The following B3GLCT variants were observed in gnomAD, a reference collection of about 807,000 sequenced individuals.
The protein encoded by B3GLCT is beta-1,3-glucosyltransferase.
In B3GLCT, 65 loss-of-function variants were observed where a neutral mutation model predicts 63.4. That is an observed-to-expected ratio of 1.03 (90% CI 0.84 to 1.26). B3GLCT has a LOEUF of 1.26. Among genes scored for constraint, B3GLCT ranks in the 50% most tolerant of loss-of-function variants. B3GLCT has a pLI of 0.00. For synonymous variants in B3GLCT, 233 were observed against 219.2 expected (o/e 1.06, Z -0.55); for missense variants, 577 against 604.8 (o/e 0.95, Z 0.48).
chr13:31,247,193 C>T, intron 5 of B3GLCT, 94 bp downstream of exon 5: 2 of 1,007,138 alleles, frequency 2.0e-6, no homozygotes, highest in East Asian at 2.5e-5. Context: ...TGGTTTTCCT[C>T]AGTCAGTAAG....
intron 4 of B3GLCT, among the ~76,000 whole-genome samples, chr13:31,244,109 G>A (rs1014075847): frequency 6.6e-6 from 1 of 152,088 alleles, no homozygotes; most frequent in African/African-American, 2.4e-5. Flanking sequence ...GACAGCTCTT[G>A]GTAATGTTGA....
At chr13:31,236,049 C>T (rs1228668499) in intron 4 of B3GLCT, among the ~76,000 whole-genome samples, 2 of 152,224 alleles carry the variant, frequency 1.3e-5, no homozygotes, top group Non-Finnish European at 2.9e-5. Context: ...TCCTTGGATG[C>T]TCATTTGGCA....
chr13:31,223,814 A>G (rs1040314999), intron 3 of B3GLCT, among the ~76,000 whole-genome samples: 4 of 152,098 alleles, frequency 2.6e-5, no homozygotes, highest in East Asian at 1.9e-4. Flanking sequence ...CAGGAAGCCT[A>G]TGGTGTCAGG....
intron 12 of B3GLCT, chr13:31,312,915 A>T (rs1874796141): frequency 1.3e-5 from 2 of 152,246 alleles, no homozygotes; most frequent in Admixed American, 1.3e-4. Flanking sequence ...GCAGTCCTAG[A>T]GTCACTTTGT....
At chr13:31,213,973 T>C (rs1869426018) in intron 1 of B3GLCT, among the ~76,000 whole-genome samples, 1 of 152,180 alleles carries the variant, frequency 6.6e-6, no homozygotes, top group South Asian at 2.1e-4. Context: ...TGAAGATGTT[T>C]TAGATTTCTT....
At chr13:31,289,731 C>A (rs925776458) in intron 12 of B3GLCT, among the ~76,000 whole-genome samples, 1 of 152,100 alleles carries the variant, frequency 6.6e-6, no homozygotes, top group Non-Finnish European at 1.5e-5. Context: ...TTTGTCACCA[C>A]TAGGTAGGGA....
intron 4 of B3GLCT, among the ~76,000 whole-genome samples, chr13:31,236,151 C>A (rs1252143645): frequency 6.6e-6 from 1 of 152,196 alleles, no homozygotes; most frequent in Admixed American, 6.5e-5. Flanking sequence ...GTTCCCTATT[C>A]CTTTTTGCAT....
chr13:31,244,675 C>T lies in B3GLCT; in HGVS notation c.271-2348C>T, dbSNP rs188855440. Among the ~76,000 whole-genome samples, 12 of 151,966 alleles carry T rather than the reference C, an allele frequency of 7.9e-5. No individual in the cohort carries two copies. In the East Asian group the frequency reaches 2.3e-3, roughly 29 times the overall value. On this transcript the variant is annotated intron_variant, in intron 4 of 14. Transcript: ENST00000343307. ...TTTATTGCACCCTTTTTGATAATTA[C>T]CTTTAAGGTGCTACTACATCTAAGT... is the stretch of plus-strand genomic sequence containing the variant.
Position 31,323,121 on chromosome 13 carries a change from G to C in B3GLCT, c.1185-630G>C, listed in dbSNP as rs541211968. Among the ~76,000 whole-genome samples the C allele has an allele frequency of 2.0e-5, 3 of 152,352 alleles. No individual in the cohort carries two copies. The South Asian group carries it at 6.2e-4, about 32-fold the overall frequency. On this transcript the variant is annotated intron_variant, in intron 13 of 14. Transcript: ENST00000343307. ...ACTGTTGCAGGGGACGGAGGAGGGG[G>C]TTGGCCACTAGCATTAGGTAAAACT...
At chr13:31,226,115 A>G (rs7981424) in intron 3 of B3GLCT, among the ~76,000 whole-genome samples, 93,479 of 151,976 alleles carry the variant, frequency 0.62, 30,295 homozygotes, top group Middle Eastern at 0.75. Flanking sequence ...AACTCAGGAA[A>G]TAACCTCCTC....
intron 4 of B3GLCT, among the ~76,000 whole-genome samples, 193 bp from the exon 5 acceptor site, chr13:31,246,830 G>A (rs1352326792): frequency 6.6e-6 from 1 of 152,124 alleles, no homozygotes; most frequent in African/African-American, 2.4e-5. Context: ...TTCATTTCCA[G>A]TAGCTCCTGG....
intron 14 of B3GLCT, among the ~76,000 whole-genome samples, chr13:31,329,230 A>G (rs549995797): frequency 1.3e-5 from 2 of 152,218 alleles, no homozygotes; most frequent in Admixed American, 6.5e-5. Context: ...TGTATTTATT[A>G]CTATTGTTTA....
chr13:31,219,204 C>A (rs942904260), intron 2 of B3GLCT, among the ~76,000 whole-genome samples: 1 of 152,128 alleles, frequency 6.6e-6, no homozygotes, highest in African/African-American at 2.4e-5. Flanking sequence ...TCAACAAAAA[C>A]GCTAGCAAAC....
rs375667011 is a variant in B3GLCT, at chr13:31,229,205, G to C, written c.181G>C (p.Val61Leu). The C allele has an allele frequency of 1.2e-6, 2 of 1,608,632 alleles. No homozygotes were observed. The highest frequency in any genetic ancestry group is 1.7e-6 in the Non-Finnish European group (2 of 1,175,262). Residue 61 changes from valine to leucine, a missense_variant, in exon 4 of 15, where the codon GTC (valine) becomes CTC (leucine). Val to Leu is a conservative substitution (Grantham distance 32, BLOSUM62 1). Coordinates refer to ENST00000343307, the MANE Select transcript of B3GLCT (RefSeq NM_194318.4). ...NDIDLKGIVF[V>L]IQSQSNSFHA... is the part of the protein sequence containing the mutation. ...TCTAGACTTAAAAGGAATTGTATTC[G>C]TCATCCAGAGTCAAAGTAATTCTTT...
chr13:31,266,060 C>T (rs991292519), intron 7 of B3GLCT, among the ~76,000 whole-genome samples: 6 of 151,786 alleles, frequency 4.0e-5, no homozygotes, highest in South Asian at 4.2e-4. Flanking sequence ...AGTACAGTGG[C>T]GCAGTCTCGC....
intron 6 of B3GLCT, among the ~76,000 whole-genome samples, chr13:31,252,631 A>C (rs991574262): frequency 6.6e-6 from 1 of 152,220 alleles, no homozygotes; most frequent in African/African-American, 2.4e-5. Flanking sequence ...AGGGCATTGC[A>C]TAATGGTAAA....
intron 10 of B3GLCT, among the ~76,000 whole-genome samples, chr13:31,276,981 G>C (rs1048864586): frequency 6.6e-6 from 1 of 152,144 alleles, no homozygotes; most frequent in African/African-American, 2.4e-5. Flanking sequence ...TGAAACGTGA[G>C]TGGTCATAGC....
chr13:31,284,603 C>T (rs1467598186), intron 10 of B3GLCT, 45 bp from the exon 11 acceptor site: 6 of 1,065,336 alleles, frequency 5.6e-6, no homozygotes, highest in Non-Finnish European at 7.4e-6. Context: ...TTTAAGCTTC[C>T]TTGTGTAACT....
chr13:31,244,479 C>T (rs1419398200), intron 4 of B3GLCT, among the ~76,000 whole-genome samples: 4 of 152,014 alleles, frequency 2.6e-5, no homozygotes, highest in Non-Finnish European at 4.4e-5. Flanking sequence ...GTGACAAGAG[C>T]GAAACTCTGT....
Sources: gnomAD v4.1 joint callset for allele counts (sites outside exome capture counted in the v4.1 genomes callset) on GRCh38, gnomAD v4.1.1 for gene constraint, MANE v1.5 for transcripts, NCBI Gene and HGNC (gene_info 2026-07-23, HGNC 2026-07-21) for gene names.